GRIP1: variants seen among roughly 807,000 people sequenced by gnomAD.
The protein encoded by GRIP1 is glutamate receptor-interacting protein 1.
Under a neutral mutation model 129.9 loss-of-function variants are expected in GRIP1, and 45 were observed. The ratio of observed to expected loss-of-function variants is 0.35; its 90% CI spans 0.27 to 0.44. The LOEUF (loss-of-function observed/expected upper bound fraction) is 0.44. Among genes scored for constraint, GRIP1 ranks in the 20% least tolerant of loss-of-function variants. The pLI is 1.00. For missense variants in GRIP1, 1,196 were observed against 1,396.8 expected (o/e 0.86, Z 2.29); for synonymous variants, 530 against 520.8 (o/e 1.02, Z -0.24).
At chr12:66,584,850 C>T (rs948823461) in intron 2 of GRIP1, among the ~76,000 whole-genome samples, 2 of 151,870 alleles carry the variant, frequency 1.3e-5, no homozygotes, top group African/African-American at 4.8e-5. Flanking sequence ...TGAACATCTC[C>T]TTCCCCTCCA....
At chr12:66,706,834 G>C (rs892957578) in intron 1 of GRIP1, among the ~76,000 whole-genome samples, 3 of 151,956 alleles carry the variant, frequency 2.0e-5, no homozygotes, top group African/African-American at 4.8e-5. Context: ...CATGGACACA[G>C]AGAGGGGAAG....
chr12:66,469,397 G>A (rs2059374478), intron 7 of GRIP1, among the ~76,000 whole-genome samples: 1 of 152,154 alleles, frequency 6.6e-6, no homozygotes, highest in Non-Finnish European at 1.5e-5. Context: ...TAGAAGAGAT[G>A]AGTAGCTAGA....
At chr12:66,366,359 A>G (rs1004309764) in intron 23 of GRIP1, among the ~76,000 whole-genome samples, 7 of 152,222 alleles carry the variant, frequency 4.6e-5, no homozygotes, top group Non-Finnish European at 1.0e-4. Flanking sequence ...CACTCCTTCT[A>G]AGGAGCAAAA....
chr12:66,885,629 C>G (rs577808859), intron 1 of GRIP1, among the ~76,000 whole-genome samples: 1 of 152,110 alleles, frequency 6.6e-6, no homozygotes, highest in East Asian at 1.9e-4. Flanking sequence ...GGCAGGGGCT[C>G]GTGCCTGAAG....
chr12:66,537,859 G>A (rs2061652912), intron 4 of GRIP1, among the ~76,000 whole-genome samples: 1 of 152,162 alleles, frequency 6.6e-6, no homozygotes, highest in African/African-American at 2.4e-5. Flanking sequence ...GATATTGATG[G>A]CAAAGGGAAA....
chr12:66,768,429 C>T (rs188811527), intron 1 of GRIP1, among the ~76,000 whole-genome samples: 254 of 152,274 alleles, frequency 1.7e-3, no homozygotes, highest in African/African-American at 5.6e-3. Context: ...TGCAACCTTG[C>T]AAATTGCTTC....
At chr12:66,460,585 T>C (rs983682586) in intron 9 of GRIP1, among the ~76,000 whole-genome samples, 3 of 152,238 alleles carry the variant, frequency 2.0e-5, no homozygotes, top group Admixed American at 6.5e-5. Context: ...TGTCAGCTTC[T>C]TTAATGCTGC....
chr12:66,426,066 C>T (rs1188006704), intron 14 of GRIP1, among the ~76,000 whole-genome samples: 1 of 152,108 alleles, frequency 6.6e-6, no homozygotes, highest in East Asian at 1.9e-4. Context: ...CCCCATCATG[C>T]CCTGCTGCTC....
intron 1 of GRIP1, among the ~76,000 whole-genome samples, chr12:66,810,033 A>C (rs998070679): frequency 2.0e-5 from 3 of 152,216 alleles, no homozygotes; most frequent in Non-Finnish European, 4.4e-5. Flanking sequence ...GGGCATTGCT[A>C]CAACAGAAAA....
At chr12:66,973,573 A>G (rs1326803471) in intron 1 of GRIP1, among the ~76,000 whole-genome samples, 1 of 152,056 alleles carries the variant, frequency 6.6e-6, no homozygotes, top group African/African-American at 2.4e-5. Flanking sequence ...TCTGACCTCT[A>G]TTGGCTTAAA....
At chr12:66,674,443 A>G (rs1296145175) in intron 1 of GRIP1, among the ~76,000 whole-genome samples, 4 of 152,182 alleles carry the variant, frequency 2.6e-5, no homozygotes, top group Non-Finnish European at 5.9e-5. Context: ...TTAAGACAAA[A>G]CATTTAAATG....
At chr12:66,861,884 A>C (rs188248792) in intron 1 of GRIP1, among the ~76,000 whole-genome samples, 113 of 152,264 alleles carry the variant, frequency 7.4e-4, no homozygotes, top group African/African-American at 2.6e-3. Flanking sequence ...CCTTATTGAT[A>C]TCTTTCATGG....
At chr12:67,050,944 G>A (rs781210340) in intron 1 of GRIP1, among the ~76,000 whole-genome samples, 5 of 152,112 alleles carry the variant, frequency 3.3e-5, no homozygotes, top group Non-Finnish European at 5.9e-5. Flanking sequence ...AGGAAACTAC[G>A]GGAATGTCAG....
At chr12:66,767,574 A>T (rs1346246352) in intron 1 of GRIP1, among the ~76,000 whole-genome samples, 1 of 148,146 alleles carries the variant, frequency 6.8e-6, no homozygotes, top group African/African-American at 2.5e-5. Flanking sequence ...CTCTGTATTA[A>T]AAAAAAAAAA....
At chr12:66,932,858 A>G (rs12810857) in intron 1 of GRIP1, among the ~76,000 whole-genome samples, 31,684 of 151,954 alleles carry the variant, frequency 0.21, 3,560 homozygotes, top group South Asian at 0.26. Flanking sequence ...TACTAGAGAC[A>G]GGGTTTCACC....
At chr12:66,904,711 T>G (rs1305341798) in intron 1 of GRIP1, among the ~76,000 whole-genome samples, 1 of 152,032 alleles carries the variant, frequency 6.6e-6, no homozygotes, top group African/African-American at 2.4e-5. Flanking sequence ...GCCAACGTGG[T>G]GAAACCTCAT....
intron 1 of GRIP1, among the ~76,000 whole-genome samples, chr12:66,815,934 G>C (rs1223822698): frequency 6.6e-6 from 1 of 150,930 alleles, no homozygotes; most frequent in Non-Finnish European, 1.5e-5. Context: ...AGGTTGAACT[G>C]TTACATGAGG....
chr12:67,002,256 G>T (rs923010567), intron 1 of GRIP1, among the ~76,000 whole-genome samples: 3 of 152,158 alleles, frequency 2.0e-5, no homozygotes, highest in Non-Finnish European at 4.4e-5. Flanking sequence ...CATAGTGTTT[G>T]TGAATTATAC....
At chr12:66,787,862 C>T (rs1234113319) in intron 1 of GRIP1, among the ~76,000 whole-genome samples, 4 of 152,146 alleles carry the variant, frequency 2.6e-5, no homozygotes, top group East Asian at 1.9e-4. Context: ...CAGGTAGGGA[C>T]TTAAAGAGTG....
Sources: gnomAD v4.1 joint callset for allele counts (sites outside exome capture counted in the v4.1 genomes callset) on GRCh38, gnomAD v4.1.1 for gene constraint, MANE v1.5 for transcripts, NCBI Gene and HGNC (gene_info 2026-07-23, HGNC 2026-07-21) for gene names.